CDH13: variants seen among roughly 807,000 people sequenced by gnomAD.
The protein encoded by CDH13 is cadherin 13.
Under a neutral mutation model 63.8 loss-of-function variants are expected in CDH13, and 24 were observed. The ratio of observed to expected loss-of-function variants is 0.38; its 90% CI spans 0.27 to 0.53. The LOEUF is 0.53. CDH13 is among the 20% of genes least tolerant of loss of function. The pLI, the probability that CDH13 is intolerant of heterozygous loss-of-function variation, is 0.85. For missense variants in CDH13, 1,049 were observed against 903.1 expected (o/e 1.16, Z -2.07); for synonymous variants, 503 against 355.3 (o/e 1.42, Z -4.67).
intron 6 of CDH13, among the ~76,000 whole-genome samples, chr16:83,367,132 C>T (rs1043629701): frequency 2.0e-5 from 3 of 152,146 alleles, no homozygotes; most frequent in South Asian, 2.1e-4. Context: ...CTCATTTCCT[C>T]GAAAACTCTT....
chr16:82,773,784 T>G (rs994732872), intron 1 of CDH13, among the ~76,000 whole-genome samples: 9 of 150,380 alleles, frequency 6.0e-5, no homozygotes, highest in African/African-American at 2.2e-4. Flanking sequence ...TTTTTCTTCT[T>G]CTTCTTCTTT....
At chr16:83,674,336 C>G (rs1015110634) in intron 9 of CDH13, among the ~76,000 whole-genome samples, 10 of 152,190 alleles carry the variant, frequency 6.6e-5, no homozygotes, top group African/African-American at 2.4e-4. Flanking sequence ...AAGCCCCAGG[C>G]ATCATATCTT....
chr16:83,147,906 C>G (rs562340161), intron 4 of CDH13, among the ~76,000 whole-genome samples: 1 of 152,162 alleles, frequency 6.6e-6, no homozygotes, highest in Admixed American at 6.5e-5. Flanking sequence ...AGGTAAGGAG[C>G]CAGCAGGTTC....
chr16:83,182,942 G>A (rs1319166992), intron 4 of CDH13, among the ~76,000 whole-genome samples: 1 of 151,864 alleles, frequency 6.6e-6, no homozygotes, highest in East Asian at 1.9e-4. Context: ...GATGTTCAGT[G>A]TAACTCACCA....
chr16:83,492,085 C>T (rs941850724), intron 7 of CDH13, among the ~76,000 whole-genome samples: 1 of 152,116 alleles, frequency 6.6e-6, no homozygotes, highest in African/African-American at 2.4e-5. Flanking sequence ...CCAAAGAGAA[C>T]TATGTATTTG....
chr16:83,171,843 A>G (rs1408506646), intron 4 of CDH13, among the ~76,000 whole-genome samples: 5 of 152,162 alleles, frequency 3.3e-5, no homozygotes, highest in Admixed American at 1.3e-4. Context: ...GATCAACATA[A>G]GAAATTTAAT....
chr16:82,794,035 GA>G (rs2036452565), intron 1 of CDH13, among the ~76,000 whole-genome samples: 1 of 152,036 alleles, frequency 6.6e-6, no homozygotes. Flanking sequence ...AGCAGAAAGG[GA>G]ACTGGGGTAT....
At chr16:83,486,930 G>A (rs1474017871) in intron 7 of CDH13, among the ~76,000 whole-genome samples, 1 of 152,132 alleles carries the variant, frequency 6.6e-6, no homozygotes, top group East Asian at 1.9e-4. Context: ...TCTAGGCCCT[G>A]GTGATTCTAG....
At chr16:82,811,819 T>C (rs1275927736) in intron 1 of CDH13, among the ~76,000 whole-genome samples, 5 of 152,136 alleles carry the variant, frequency 3.3e-5, no homozygotes, top group South Asian at 2.1e-4. Flanking sequence ...GAGTGACTTA[T>C]AGGGTTATGG....
intron 7 of CDH13, among the ~76,000 whole-genome samples, chr16:83,599,595 C>T (rs1005637160): frequency 2.6e-5 from 4 of 152,040 alleles, no homozygotes; most frequent in Non-Finnish European, 5.9e-5. Flanking sequence ...AAATTGTCAA[C>T]ATTTTGAAAA....
intron 5 of CDH13, among the ~76,000 whole-genome samples, chr16:83,311,747 C>G (rs2090004894): frequency 6.6e-6 from 1 of 152,186 alleles, no homozygotes; most frequent in Non-Finnish European, 1.5e-5. Context: ...CAATTTTATT[C>G]CAGCTTGGAC....
At chr16:82,717,460 C>G (rs2032456089) in intron 1 of CDH13, among the ~76,000 whole-genome samples, 1 of 151,146 alleles carries the variant, frequency 6.6e-6, no homozygotes, top group Admixed American at 6.6e-5. Context: ...AAAAAGAGCC[C>G]CCCCACTCAT....
At chr16:83,473,432 T>C (rs920545168) in intron 6 of CDH13, among the ~76,000 whole-genome samples, 1 of 152,214 alleles carries the variant, frequency 6.6e-6, no homozygotes, top group African/African-American at 2.4e-5. Flanking sequence ...CCTGGCTCAT[T>C]TGTATCTTGT....
intron 5 of CDH13, among the ~76,000 whole-genome samples, chr16:83,261,955 C>G (rs1484154339): frequency 2.0e-5 from 3 of 152,102 alleles, no homozygotes; most frequent in South Asian, 4.2e-4. Flanking sequence ...TTGTTCTGTT[C>G]CATTCCGGAG....
chr16:83,254,955 CTTTCTTTCTTTCTTTCTTTCTTT>C (rs1567542219), intron 5 of CDH13, among the ~76,000 whole-genome samples: 47 of 2,680 alleles, frequency 0.018, 1 homozygote, highest in Admixed American at 0.12. Context: ...TTTTCTCTTT[CTTTCTTTCTTTCTTTCTTTCTTT>C]CTTTCTTTCT....
intron 1 of CDH13, among the ~76,000 whole-genome samples, chr16:82,708,844 G>A (rs1309539140): frequency 6.6e-6 from 1 of 152,202 alleles, no homozygotes; most frequent in African/African-American, 2.4e-5. Context: ...TACTATGTGA[G>A]AAAGTACTCT....
At chr16:82,884,387 A>C (rs146445463) in intron 2 of CDH13, 1 of 347,646 alleles carries the variant, frequency 2.9e-6, no homozygotes, top group East Asian at 7.4e-5. Context: ...GACAAGTAAC[A>C]AAATGAGACT....
intron 9 of CDH13, among the ~76,000 whole-genome samples, chr16:83,671,262 G>C (rs920493494): frequency 6.6e-6 from 1 of 152,078 alleles, no homozygotes; most frequent in Non-Finnish European, 1.5e-5. Flanking sequence ...TTTCATTTTT[G>C]TTTTTTGAGA....
intron 3 of CDH13, among the ~76,000 whole-genome samples, chr16:83,102,334 A>G (rs1295996443): frequency 6.6e-6 from 1 of 152,192 alleles, no homozygotes; most frequent in East Asian, 1.9e-4. Flanking sequence ...GCCATTGGAA[A>G]CTAATACAGC....
Sources: allele counts gnomAD v4.1 joint callset (sites outside exome capture counted in the v4.1 genomes callset), GRCh38; gene constraint gnomAD v4.1.1; transcripts MANE v1.5; gene names NCBI Gene and HGNC (gene_info 2026-07-23, HGNC 2026-07-21).